ZNF653: variants seen among roughly 807,000 people sequenced by gnomAD.
The protein encoded by ZNF653 is 67 kDa zinc finger protein.
ZNF653 carries 37 observed loss-of-function variants against 59.9 expected under a neutral mutation model. The ratio of observed to expected loss-of-function variants is 0.62; its 90% CI spans 0.48 to 0.81. ZNF653 has a LOEUF of 0.81. Ranked by LOEUF, ZNF653 falls within the 40% of genes least tolerant of loss-of-function variation. ZNF653 has a pLI of 0.00. For synonymous variants in ZNF653, 435 were observed against 371.8 expected (o/e 1.17, Z -1.96); for missense variants, 808 against 881.1 (o/e 0.92, Z 1.05).
chr19:11,505,090 T>C (rs73512783), intron 1 of ZNF653: 5,509 of 184,940 alleles, frequency 0.03, 336 homozygotes, highest in African/African-American at 0.12. Context: ...TGCCCCAGGG[T>C]GTCCAGAGTC....
Position 11,491,219 on chromosome 19 carries a change from A to G in ZNF653, c.560-3316T>C, listed in dbSNP as rs141375239. Among the ~76,000 whole-genome samples, 4 of 152,192 alleles carry G rather than the reference A, an allele frequency of 2.6e-5. No homozygotes were observed. In the East Asian group the frequency reaches 7.7e-4, roughly 29 times the overall value. On this transcript the variant is annotated intron_variant, in intron 3 of 8. Coordinates refer to ENST00000293771, the MANE Select transcript of ZNF653 (RefSeq NM_138783.4). ...TCTTCCTGGCACCAGCACCGACTAC[A>G]TTTCCCAGCATCTCTTGCAGGTAGG...
chr19:11,504,332 C>A (rs1971681881), intron 1 of ZNF653: 1 of 165,336 alleles, frequency 6.0e-6, no homozygotes, highest in Non-Finnish European at 1.2e-5. Context: ...ACCCGGGAGG[C>A]GGAGCTTGCA....
intron 3 of ZNF653, among the ~76,000 whole-genome samples, chr19:11,492,032 C>A (rs1164569935): frequency 2.0e-5 from 3 of 151,952 alleles, no homozygotes; most frequent in African/African-American, 7.2e-5. Flanking sequence ...GCACATACCA[C>A]CTTACAGTGC....
rs1026553103 is a variant in ZNF653 at position 11,505,812 on chromosome 19, C to A, written c.-26G>T. On this transcript the variant is annotated 5_prime_UTR_variant, in exon 1 of 9. Transcript: ENST00000293771. ...CCCCCCCACCCTGGTTACCAGCCTC[C>A]CCCGTTGTTAGGAGCCAGACCGGAA... 3 of 1,366,068 alleles carry A rather than the reference C, an allele frequency of 2.2e-6. No individual in the cohort carries two copies. The highest frequency in any genetic ancestry group is 3.8e-5 in the Admixed American group (1 of 26,292). 84.6% of individuals were successfully genotyped at this position (1,366,068 alleles called of 1,614,324 possible). A position where few individuals can be genotyped will look rare whatever the true frequency, so the allele number is the denominator to read the frequency against.
At chr19:11,496,680 T>C (rs1971592526) in intron 2 of ZNF653, among the ~76,000 whole-genome samples, 1 of 152,162 alleles carries the variant, frequency 6.6e-6, no homozygotes, top group East Asian at 1.9e-4. Context: ...CCAGCCTGGC[T>C]AACATGGCGA....
Position 11,502,902 on chromosome 19 carries a change from T to G in ZNF653, c.299+2586A>C, listed in dbSNP as rs567914824. ...TACAAAAATTAGCCGGGCATGGGGG[T>G]GCACGCCTGTAATCCCAGCTACTCG... On this transcript the variant is annotated intron_variant, in intron 1 of 8. Coordinates refer to ENST00000293771, the MANE Select transcript of ZNF653 (RefSeq NM_138783.4). Among the ~76,000 whole-genome samples, 52 of 150,878 alleles carry G rather than the reference T, an allele frequency of 3.4e-4. No individual in the cohort carries two copies. In the South Asian group the frequency reaches 9.9e-3, roughly 29 times the overall value.
intron 1 of ZNF653, among the ~76,000 whole-genome samples, chr19:11,498,683 A>C (rs1971613343): frequency 6.6e-6 from 1 of 151,954 alleles, no homozygotes; most frequent in East Asian, 1.9e-4. Flanking sequence ...ACCTCAGGTG[A>C]TCCGCCCACC....
chr19:11,493,557 C>T (rs894649285), intron 3 of ZNF653, among the ~76,000 whole-genome samples: 4 of 152,112 alleles, frequency 2.6e-5, no homozygotes, highest in Admixed American at 2.6e-4. Flanking sequence ...TTCCCCTTGT[C>T]CTGTATTCTG....
chr19:11,494,277 G>A (rs959953860), intron 3 of ZNF653, among the ~76,000 whole-genome samples: 3 of 151,800 alleles, frequency 2.0e-5, no homozygotes, highest in Non-Finnish European at 4.4e-5. Flanking sequence ...AGCCAAGATC[G>A]CACCACTGCA....
At position 11,505,688 on chromosome 19, in the gene ZNF653, C is replaced by T. The variant is rs1971712826; in HGVS notation, c.99G>A (p.Ala33=). The stretch of plus-strand genomic sequence containing the variant: ...ACTCCGTGAGTCGCGGCCGGCCCCG[C>T]GCCTTTCGGCCCGCTGCGCCCTCCT... ...AAEEGAAGRK[A]RGRPRLTESD... is the part of the protein sequence containing the mutation. The change falls in exon 1 of 9, where the codon GCG becomes GCA. Residue 33 remains alanine (A), a synonymous_variant. Coordinates refer to ENST00000293771, the MANE Select transcript of ZNF653 (RefSeq NM_138783.4). The T allele has an allele frequency of 6.7e-7, 1 of 1,489,090 alleles. No individual in the cohort carries two copies. Among genetic ancestry groups the T allele is most frequent in the Non-Finnish European group, 8.9e-7 (1 of 1,127,860 alleles). The allele number at this position is 1,489,090 out of a possible 1,614,324, so 92.2% of individuals were successfully genotyped here.
At chr19:11,492,434 C>T (rs1317928203) in intron 3 of ZNF653, among the ~76,000 whole-genome samples, 1 of 152,142 alleles carries the variant, frequency 6.6e-6, no homozygotes, top group Non-Finnish European at 1.5e-5. Context: ...ACTGCAGCCT[C>T]GAGCTCCTAG....
intron 7 of ZNF653, among the ~76,000 whole-genome samples, chr19:11,485,240 C>A (rs1971453613): frequency 6.6e-6 from 1 of 151,956 alleles, no homozygotes; most frequent in Non-Finnish European, 1.5e-5. Context: ...GAAGCCCAGT[C>A]CCAAGCCAGC....
Position 11,495,293 on chromosome 19 carries a change from G to T in ZNF653, c.559+657C>A, listed in dbSNP as rs980838542. Among the ~76,000 whole-genome samples, 10 of 152,234 alleles carry T rather than the reference G, an allele frequency of 6.6e-5. No homozygotes were observed. Among genetic ancestry groups the T allele is most frequent in the South Asian group, 2.1e-4 (1 of 4,820 alleles). ...GATGGGAAGGAGAGAGGCAGGGACC[G>T]CGAAGGTGGGGAGGGAGGAGGAGAA... On this transcript the variant is annotated intron_variant, in intron 3 of 8. Coordinates refer to ENST00000293771, the MANE Select transcript of ZNF653 (RefSeq NM_138783.4). This position sits in a 1 kb window ranked among gnomAD's most constrained non-coding sequence, Gnocchi z 4.9.
At chr19:11,498,960 G>C (rs996307305) in intron 1 of ZNF653, among the ~76,000 whole-genome samples, 14 of 152,108 alleles carry the variant, frequency 9.2e-5, no homozygotes, top group African/African-American at 3.4e-4. Flanking sequence ...TCTGACCTCA[G>C]GTGATCCGCC....
In ZNF653 at chr19:11,496,060, A is replaced by C; in HGVS notation, c.449T>G (p.Phe150Cys). 6.2e-7 allele frequency: 1 copy of C among 1,614,182 alleles called. No individual in the cohort carries two copies. Among genetic ancestry groups the C allele is most frequent in the South Asian group, 1.1e-5 (1 of 91,088 alleles). Residue 150 changes from phenylalanine (F) to cysteine (C), a missense_variant, in exon 3 of 9, where the codon TTT becomes TGT. Coordinates refer to ENST00000293771, the MANE Select transcript of ZNF653 (RefSeq NM_138783.4). ...CCACACGGCCGTGGTGTACAGGCCAAAAGTGGGGTCTAGCTCCGCCAGGTG... is the reference window on the plus strand; with the variant it reads ...CCACACGGCCGTGGTGTACAGGCCACAAGTGGGGTCTAGCTCCGCCAGGTG... ...EPHLAELDPT[F>C]GLYTTAVWQC...
intron 1 of ZNF653, among the ~76,000 whole-genome samples, chr19:11,499,611 T>TTA (rs1971623352): frequency 8.8e-6 from 1 of 113,036 alleles, no homozygotes. Context: ...TTTATACAAT[T>TTA]AAAAAAAAAA....
intron 2 of ZNF653, among the ~76,000 whole-genome samples, chr19:11,497,911 G>A (rs7248368): frequency 0.022 from 3,360 of 152,278 alleles, 128 homozygotes; most frequent in African/African-American, 0.077. Flanking sequence ...GACATGGCCT[G>A]GGACCCCCAG....
chr19:11,493,491 C>A (rs1971550446), intron 3 of ZNF653, among the ~76,000 whole-genome samples: 1 of 152,180 alleles, frequency 6.6e-6, no homozygotes, highest in South Asian at 2.1e-4. Flanking sequence ...TGTTGATGGA[C>A]CTGGGGTGGC....
rs1216922521 is a variant in ZNF653 at position 11,484,050 on chromosome 19, G to A, written c.1662C>T (p.Thr554=). 6.4e-7 allele frequency: 1 copy of A among 1,556,372 alleles called. No individual in the cohort carries two copies. Among genetic ancestry groups the A allele is most frequent in the South Asian group, 1.2e-5 (1 of 84,556 alleles). The change falls in exon 8 of 9, where the codon ACC becomes ACT. Residue 554 remains threonine, a synonymous_variant. Transcript: ENST00000293771. ...EVHRRTHTGE[T]PLQCEICGYQ... ...GGCGGCCTGTCACTCACTGCAGGGG[G>A]GTCTCGCCGGTGTGGGTGCGCCGAT... is the stretch of plus-strand genomic sequence containing the variant.
Sources: gnomAD v4.1 joint callset for allele counts (sites outside exome capture counted in the v4.1 genomes callset) on GRCh38, gnomAD v4.1.1 for gene constraint, Gnocchi (gnomAD v3.1) non-coding constraint, MANE v1.5 for transcripts, NCBI Gene and HGNC (gene_info 2026-07-23, HGNC 2026-07-21) for gene names.